The following CRTAC1 variants were observed in gnomAD, a reference collection of about 807,000 sequenced individuals.
CRTAC1 encodes acidic secreted protein in cartilage.
CRTAC1 carries 37 observed loss-of-function variants against 67.8 expected under a neutral mutation model. The observed-to-expected ratio is 0.55, with a 90% CI of 0.42 to 0.72. The LOEUF is 0.72. CRTAC1 is among the 30% of genes least tolerant of loss of function. The pLI, the probability that CRTAC1 is intolerant of heterozygous loss-of-function variation, is 0.00. For missense variants in CRTAC1, 780 were observed against 931.6 expected (o/e 0.84, Z 2.12); for synonymous variants, 348 against 371.0 (o/e 0.94, Z 0.71).
chr10:97,882,754 AC>A (rs1244393770), intron 13 of CRTAC1, 31 bp downstream of exon 13: 4 of 1,612,766 alleles, frequency 2.5e-6, no homozygotes, highest in Non-Finnish European at 3.4e-6. Context: ...TCCGGCCTCT[AC>A]CCCATGCCCT....
chr10:98,027,213 G>A (rs1843254187), intron 1 of CRTAC1, among the ~76,000 whole-genome samples: 1 of 151,450 alleles, frequency 6.6e-6, no homozygotes, highest in Admixed American at 6.6e-5. Context: ...AGGCCACTCA[G>A]CAAACCTGTT....
chr10:97,936,548 C>T (rs1233458330), intron 2 of CRTAC1, among the ~76,000 whole-genome samples, 182 bp from the exon 3 acceptor site: 3 of 152,192 alleles, frequency 2.0e-5, no homozygotes, highest in Non-Finnish European at 4.4e-5. Context: ...ATGAGTGTCC[C>T]TGAATCAGAT....
intron 11 of CRTAC1, among the ~76,000 whole-genome samples, chr10:97,894,230 T>C (rs909183840): frequency 4.6e-5 from 7 of 152,174 alleles, no homozygotes; most frequent in Admixed American, 4.6e-4. Flanking sequence ...CCACCAGTGA[T>C]GTAGGAGAGA....
chr10:97,918,807 T>TG (rs1491531029), intron 4 of CRTAC1, among the ~76,000 whole-genome samples: 2 of 132,244 alleles, frequency 1.5e-5, no homozygotes, highest in African/African-American at 5.3e-5. Flanking sequence ...TTTTTTTTTT[T>TG]GGGTCTCACT....
intron 2 of CRTAC1, among the ~76,000 whole-genome samples, chr10:97,977,394 G>A (rs1037420962): frequency 3.9e-5 from 6 of 152,178 alleles, no homozygotes; most frequent in Admixed American, 1.3e-4. Context: ...GCATCTCAGC[G>A]GGTTCTTTTT....
intron 11 of CRTAC1, among the ~76,000 whole-genome samples, chr10:97,892,103 G>A (rs913343124): frequency 6.6e-6 from 1 of 152,358 alleles, no homozygotes; most frequent in Non-Finnish European, 1.5e-5. Context: ...ACATAAGCCT[G>A]AGTGTGGGGA....
intron 14 of CRTAC1, chr10:97,870,908 G>A (rs1400391334): frequency 1.3e-5 from 2 of 152,188 alleles, no homozygotes; most frequent in African/African-American, 2.4e-5. Context: ...GTTATCTGAG[G>A]AGAGCATCTA....
At chr10:97,890,745 G>A (rs1287165352) in intron 11 of CRTAC1, among the ~76,000 whole-genome samples, 2 of 149,826 alleles carry the variant, frequency 1.3e-5, no homozygotes, top group East Asian at 2.0e-4. Context: ...TTGCCTCACC[G>A]TAACCTCTGC....
At chr10:97,937,423 C>T (rs979690045) in intron 2 of CRTAC1, among the ~76,000 whole-genome samples, 3 of 152,172 alleles carry the variant, frequency 2.0e-5, no homozygotes, top group African/African-American at 7.2e-5. Context: ...TGCTCTCTTC[C>T]CACAGCTCTG....
intron 14 of CRTAC1, among the ~76,000 whole-genome samples, chr10:97,871,763 G>T (rs2050095567): frequency 6.6e-6 from 1 of 152,200 alleles, no homozygotes; most frequent in African/African-American, 2.4e-5. Context: ...AGACGTGGGA[G>T]AAGAGAGAGT....
intron 3 of CRTAC1, among the ~76,000 whole-genome samples, chr10:97,926,763 T>C (rs373805803): frequency 3.9e-5 from 6 of 152,268 alleles, no homozygotes; most frequent in East Asian, 1.9e-4. Context: ...GTTCAGAGGG[T>C]TCTGGATTTC....
At chr10:97,957,964 C>T (rs2136639366) in intron 2 of CRTAC1, among the ~76,000 whole-genome samples, 1 of 152,266 alleles carries the variant, frequency 6.6e-6, no homozygotes. Flanking sequence ...ACCCCCAGGG[C>T]TGCACAGGGG....
chr10:97,944,504 G>T, intron 2 of CRTAC1, among the ~76,000 whole-genome samples: 1 of 152,128 alleles, frequency 6.6e-6, no homozygotes, highest in East Asian at 1.9e-4. Context: ...TTAATCTAAG[G>T]CTAAGAAATG....
chr10:97,985,162 C>A (rs918823583), intron 2 of CRTAC1, among the ~76,000 whole-genome samples: 5 of 152,102 alleles, frequency 3.3e-5, no homozygotes, highest in Admixed American at 3.3e-4. Context: ...CAATTACCTA[C>A]TAGTAAAGAA....
intron 14 of CRTAC1, chr10:97,866,757 C>T (rs2050030954): frequency 2.0e-5 from 3 of 152,194 alleles, no homozygotes; most frequent in African/African-American, 7.2e-5. Flanking sequence ...TGTGCATGAA[C>T]ATGTGTGCAC....
chr10:97,891,981 C>T (rs906004384), intron 11 of CRTAC1, among the ~76,000 whole-genome samples: 7 of 152,208 alleles, frequency 4.6e-5, no homozygotes, highest in Non-Finnish European at 5.9e-5. Context: ...AGGAGTCTGC[C>T]GGGAGGCCCC....
chr10:97,879,554 G>T, intron 14 of CRTAC1: 1 of 1,198,800 alleles, frequency 8.3e-7, no homozygotes, highest in South Asian at 1.8e-5. Context: ...GGCCACCCCT[G>T]TTGTCCATTC....
chr10:97,999,750 T>C (rs981067525), intron 2 of CRTAC1, among the ~76,000 whole-genome samples: 6 of 152,176 alleles, frequency 3.9e-5, no homozygotes, highest in Non-Finnish European at 8.8e-5. Flanking sequence ...TGGCTGTCCA[T>C]GGACCAATTG....
intron 11 of CRTAC1, among the ~76,000 whole-genome samples, chr10:97,892,213 G>A (rs2050385316): frequency 6.6e-6 from 1 of 152,218 alleles, no homozygotes; most frequent in Non-Finnish European, 1.5e-5. Context: ...TGGCAGGGCA[G>A]ATTCTGGCCA....
Sources: allele counts gnomAD v4.1 joint callset (sites outside exome capture counted in the v4.1 genomes callset), GRCh38; gene constraint gnomAD v4.1.1; transcripts MANE v1.5; gene names NCBI Gene and HGNC (gene_info 2026-07-23, HGNC 2026-07-21).